Variants in ACACA observed in about 807,000 individuals in gnomAD.
ACACA encodes the protein acetyl-CoA carboxylase 1.
A neutral mutation model predicts 296.1 loss-of-function variants in ACACA; 103 were observed. That is an observed-to-expected ratio of 0.35 (90% CI 0.30 to 0.41). ACACA has a LOEUF of 0.41. ACACA is among the 10% of genes least tolerant of loss of function. The pLI is 1.00. For synonymous variants in ACACA, 953 were observed against 1,038.6 expected (o/e 0.92, Z 1.58); for missense variants, 1,554 against 2,989.7 (o/e 0.52, Z 11.20).
intron 39 of ACACA, among the ~76,000 whole-genome samples, chr17:37,184,450 C>A (rs143018556): frequency 0.012 from 1,887 of 152,314 alleles, 17 homozygotes; most frequent in South Asian, 0.034. Flanking sequence ...TCTGGAAAGC[C>A]TTGTTTCCTT....
chr17:37,224,022 C>T (rs1598232778), intron 27 of ACACA, among the ~76,000 whole-genome samples: 1 of 152,040 alleles, frequency 6.6e-6, no homozygotes, highest in African/African-American at 2.4e-5. Context: ...GCCAACATGG[C>T]GAAACCCTGT....
At chr17:37,395,693 C>T (rs1233161398) in intron 1 of ACACA, among the ~76,000 whole-genome samples, 3 of 152,086 alleles carry the variant, frequency 2.0e-5, no homozygotes, top group African/African-American at 7.2e-5. Flanking sequence ...CAGGCATGCA[C>T]CACCATGCTC....
chr17:37,225,353 G>A, intron 26 of ACACA: 1 of 464,430 alleles, frequency 2.2e-6, no homozygotes, highest in African/African-American at 2.0e-5. Context: ...TAGGGGGAAG[G>A]GAGAGAAAAC....
chr17:37,166,323 G>A (rs2076666783), intron 41 of ACACA, among the ~76,000 whole-genome samples: 1 of 151,520 alleles, frequency 6.6e-6, no homozygotes, highest in Non-Finnish European at 1.5e-5. Context: ...ATTTTTTGTA[G>A]AGATGGGGTC....
intron 3 of ACACA, chr17:37,301,374 C>T: frequency 4.1e-6 from 4 of 985,380 alleles, no homozygotes; most frequent in Non-Finnish European, 4.8e-6. Context: ...CCAACGTAGA[C>T]ACATACCTGG....
chr17:37,188,273 G>A lies in ACACA; in HGVS notation c.4776+4C>T, dbSNP rs1435396704. 5.6e-6 allele frequency: 9 copies of A among 1,613,566 alleles called. No individual in the cohort carries two copies. The highest frequency in any genetic ancestry group is 2.2e-5 in the South Asian group (2 of 91,010). On this transcript the variant is annotated splice_donor_region_variant and intron_variant, in intron 39 of 55. Coordinates refer to ENST00000616317, the MANE Select transcript of ACACA (RefSeq NM_198834.3). ...ACTCTGAGGAGCCTGTTTGAGTATT[G>A]TACCTGTGCTGTCCTGGAGTCAGTC...
At chr17:37,177,474 G>A (rs917513117) in intron 41 of ACACA, among the ~76,000 whole-genome samples, 1 of 152,154 alleles carries the variant, frequency 6.6e-6, no homozygotes, top group African/African-American at 2.4e-5. Flanking sequence ...AACACAGAAT[G>A]AGGGCAGAAA....
chr17:37,315,980 C>T (rs1261237013), intron 3 of ACACA, among the ~76,000 whole-genome samples: 1 of 152,074 alleles, frequency 6.6e-6, no homozygotes, highest in Non-Finnish European at 1.5e-5. Context: ...GTTAACAGAC[C>T]CCAGCCTGAA....
chr17:37,137,046 C>A (rs1417378013), intron 45 of ACACA, among the ~76,000 whole-genome samples: 1 of 152,110 alleles, frequency 6.6e-6, no homozygotes, highest in Non-Finnish European at 1.5e-5. Context: ...TGATAAGCAT[C>A]TTTTCATGTG....
intron 1 of ACACA, among the ~76,000 whole-genome samples, chr17:37,404,417 G>A (rs1490448326): frequency 1.3e-5 from 2 of 151,922 alleles, no homozygotes; most frequent in African/African-American, 2.4e-5. Flanking sequence ...TGGGGGTCTC[G>A]ATACGTTGCC....
chr17:37,289,404 G>C, intron 3 of ACACA: 1 of 1,315,540 alleles, frequency 7.6e-7, no homozygotes, highest in Non-Finnish European at 1.0e-6. Context: ...ATAAGGCTAA[G>C]GAAGTACCCA....
intron 1 of ACACA, among the ~76,000 whole-genome samples, chr17:37,348,404 A>C (rs2048730717): frequency 1.3e-5 from 2 of 152,182 alleles, no homozygotes; most frequent in Non-Finnish European, 2.9e-5. Flanking sequence ...GAAACTGAAC[A>C]CAAGAAAAGA....
chr17:37,179,154 C>A (rs1393154859), intron 41 of ACACA, 106 bp downstream of exon 41: 1 of 1,413,888 alleles, frequency 7.1e-7, no homozygotes, highest in Non-Finnish European at 9.9e-7. Flanking sequence ...AAAGAACTCT[C>A]CCAACAAGAC....
At chr17:37,328,150 G>C (rs935119400) in intron 3 of ACACA, among the ~76,000 whole-genome samples, 2 of 152,198 alleles carry the variant, frequency 1.3e-5, no homozygotes, top group South Asian at 4.1e-4. Flanking sequence ...GTATGGACGG[G>C]AAAGTAGAGT....
chr17:37,087,337 T>G lies in ACACA; in HGVS notation c.7131A>C (p.Thr2377=). Residue 2377 remains threonine (T), a synonymous_variant, in exon 56 of 56, where the codon ACA becomes ACC. Coordinates refer to ENST00000616317, the MANE Select transcript of ACACA (RefSeq NM_198834.3). ...QRAEVIRILS[T]MDSPST is the part of the protein sequence containing the mutation. ...CTTCCTACGTGGAAGGGGAATCCATTGTGGAGAGGATCCGTATGACTTCTG... is the reference window on the plus strand; with the variant it reads ...CTTCCTACGTGGAAGGGGAATCCATGGTGGAGAGGATCCGTATGACTTCTG... 2.5e-6 allele frequency: 4 copies of G among 1,614,062 alleles called. No homozygotes were observed. The highest frequency in any genetic ancestry group is 3.4e-6 in the Non-Finnish European group (4 of 1,180,000).
chr17:37,116,751 G>A (rs2074275159), intron 50 of ACACA, among the ~76,000 whole-genome samples: 1 of 152,222 alleles, frequency 6.6e-6, no homozygotes, highest in South Asian at 2.1e-4. Context: ...AAGGCAGGTT[G>A]AAACACTTGG....
intron 41 of ACACA, among the ~76,000 whole-genome samples, chr17:37,164,795 T>G (rs2076599396): frequency 2.0e-5 from 3 of 152,194 alleles, no homozygotes; most frequent in Admixed American, 2.0e-4. Context: ...AGATTGCGTT[T>G]TACACCAAAT....
Position 37,113,316 on chromosome 17 carries a change from C to A in ACACA, c.6275-51G>T. 2 of 1,590,234 alleles carry A rather than the reference C, an allele frequency of 1.3e-6. No individual in the cohort carries two copies. Among genetic ancestry groups the A allele is most frequent in the Non-Finnish European group, 1.7e-6 (2 of 1,162,734 alleles). On this transcript the variant is annotated intron_variant, in intron 50 of 55. Transcript: ENST00000616317. The surrounding 1 kb of genome is among the most constrained non-coding windows in gnomAD (Gnocchi z 4.0). ...ATCAAGAAATTTCTCTTCCTCAAAGCAGTACTTTTAAACACTGTTCAGGAC... is the reference window on the plus strand; with the variant it reads ...ATCAAGAAATTTCTCTTCCTCAAAGAAGTACTTTTAAACACTGTTCAGGAC...
At chr17:37,365,692 G>A in intron 1 of ACACA, 1 of 985,380 alleles carries the variant, frequency 1.0e-6, no homozygotes, top group Non-Finnish European at 1.2e-6. Flanking sequence ...GAGCCTGAAG[G>A]AACTTCATAC....
Sources: gnomAD v4.1 joint callset for allele counts (sites outside exome capture counted in the v4.1 genomes callset) on GRCh38, gnomAD v4.1.1 for gene constraint, Gnocchi (gnomAD v3.1) non-coding constraint, MANE v1.5 for transcripts, NCBI Gene and HGNC (gene_info 2026-07-23, HGNC 2026-07-21) for gene names.